Variants in C12orf42 observed in about 807,000 individuals in gnomAD.
C12orf42 encodes the protein uncharacterized protein C12orf42.
In C12orf42, 25 loss-of-function variants were observed where a neutral mutation model predicts 21.6. The observed-to-expected ratio is 1.16, with a 90% CI of 0.84 to 1.62. C12orf42 has a LOEUF of 1.62. Among genes scored for constraint, C12orf42 ranks in the 40% most tolerant of loss-of-function variants. The pLI is 0.00. For synonymous variants in C12orf42, 174 were observed against 175.0 expected, an observed-to-expected ratio of 0.99 and a Z score of 0.05; for missense variants, 483 against 459.3, an observed-to-expected ratio of 1.05 and a Z score of -0.47.
chr12:103,168,017 T>G, the C12orf42 span: 1 of 453,418 alleles, frequency 2.2e-6, no homozygotes, highest in Non-Finnish European at 4.4e-6. Flanking sequence ...TCTGTTAATA[T>G]GTACATGCAT....
chr12:103,186,412 A>C, the C12orf42 span, among the ~76,000 whole-genome samples: 11 of 152,308 alleles, frequency 7.2e-5, no homozygotes, highest in African/African-American at 1.2e-4. Context: ...GAGGATAAGA[A>C]TTTAGAGTTC....
chr12:103,263,638 T>C (rs1309145177), downstream of C12orf42, among the ~76,000 whole-genome samples: 1 of 152,108 alleles, frequency 6.6e-6, no homozygotes, highest in Non-Finnish European at 1.5e-5. Flanking sequence ...TGCTCAGCCT[T>C]ATCACCCTAA....
In C12orf42 at chr12:103,294,628, GAAAGAAA is replaced by G. The variant is rs1566026129; in HGVS notation, n.338-17425_338-17419del. The stretch of plus-strand genomic sequence containing the variant: ...AGAAAGAAAGAAAGAAAGAAAGAAA[GAAAGAAA>G]GAAGGAAAAGAAAGAGAAAGAAAGA... On this transcript the variant is annotated intron_variant and non_coding_transcript_variant, in intron 4 of 6. Coordinates refer to the C12orf42 transcript ENST00000546526. Among the ~76,000 whole-genome samples the G allele has an allele frequency of 6.3e-4, 93 of 146,722 alleles. 1 individual carries two copies. Among genetic ancestry groups the G allele is most frequent in the Admixed American group, 6.2e-3 (91 of 14,580 alleles).
At chr12:103,383,003 G>C (rs536497660) in intron 3 of C12orf42, among the ~76,000 whole-genome samples, 1 of 152,234 alleles carries the variant, frequency 6.6e-6, no homozygotes, top group East Asian at 1.9e-4. Context: ...GATCAGAAGA[G>C]GTCAAGATCA....
chr12:103,300,819 T>C (rs1328815887), downstream of C12orf42, among the ~76,000 whole-genome samples: 1 of 152,214 alleles, frequency 6.6e-6, no homozygotes, highest in African/African-American at 2.4e-5. Flanking sequence ...GATGCCATTA[T>C]ATCCTCAGGA....
At chr12:103,516,233 A>T in the C12orf42 span, among the ~76,000 whole-genome samples, 1 of 152,220 alleles carries the variant, frequency 6.6e-6, no homozygotes, top group Non-Finnish European at 1.5e-5. Flanking sequence ...TTTTATCTTA[A>T]TTTAAAATGA....
At chr12:103,072,310 A>G in the C12orf42 span, among the ~76,000 whole-genome samples, 10 of 152,182 alleles carry the variant, frequency 6.6e-5, no homozygotes, top group African/African-American at 2.4e-4. Context: ...AATAATGTTC[A>G]AAATGTCTAT....
Position 103,256,085 on chromosome 12 carries a change from A to AATAT in C12orf42, c.*1366+7237_*1366+7240dup, listed in dbSNP as rs1565998064. On this transcript the variant is annotated intron_variant and NMD_transcript_variant, in intron 10 of 10. Coordinates refer to the C12orf42 transcript ENST00000547347. ...AAAAAAAAAAAAAAAAAAAAAAAAA[A>AATAT]ATATATATATATATATATATATATA... Among the ~76,000 whole-genome samples, 475 of 58,718 alleles carry AATAT rather than the reference A, an allele frequency of 8.1e-3. 7 individuals are homozygous for AATAT. Among genetic ancestry groups the AATAT allele is most frequent in the African/African-American group, 0.016 (177 of 11,188 alleles). 38.5% of individuals were successfully genotyped at this position (58,718 alleles called of 152,430 possible). A position where few individuals can be genotyped will look rare whatever the true frequency, so the allele number is the denominator to read the frequency against.
chr12:103,257,022 A>G (rs898204711), intron 10 of C12orf42, among the ~76,000 whole-genome samples: 1 of 152,304 alleles, frequency 6.6e-6, no homozygotes, highest in African/African-American at 2.4e-5. Context: ...ACCATGAAAT[A>G]TTATACAGCC....
At chr12:103,281,252 T>G (rs1348835075) in intron 4 of C12orf42, among the ~76,000 whole-genome samples, 1 of 152,222 alleles carries the variant, frequency 6.6e-6, no homozygotes, top group African/African-American at 2.4e-5. Context: ...AGATTCCAAG[T>G]GACTTTTCAC....
the C12orf42 span, among the ~76,000 whole-genome samples, chr12:103,097,649 T>A: frequency 6.6e-6 from 1 of 152,176 alleles, no homozygotes; most frequent in African/African-American, 2.4e-5. Flanking sequence ...CTGGAAAATG[T>A]CTCAACCAAA....
the C12orf42 span, among the ~76,000 whole-genome samples, chr12:103,097,028 G>T: frequency 3.3e-5 from 5 of 152,118 alleles, no homozygotes; most frequent in African/African-American, 1.2e-4. Context: ...TCCTCTCAAT[G>T]TTGTGTCCTC....
chr12:103,252,206 G>A (rs1191152254), intron 10 of C12orf42, among the ~76,000 whole-genome samples: 1 of 152,138 alleles, frequency 6.6e-6, no homozygotes, highest in Non-Finnish European at 1.5e-5. Flanking sequence ...ACGGGTATTT[G>A]GGTAGGTTCC....
At chr12:103,478,684 C>T (rs1592982150) in intron 1 of C12orf42, among the ~76,000 whole-genome samples, 1 of 150,740 alleles carries the variant, frequency 6.6e-6, no homozygotes, top group East Asian at 1.9e-4. Context: ...ACCTTGGCCT[C>T]AATAAAATTC....
chr12:103,087,047 A>G, the C12orf42 span, among the ~76,000 whole-genome samples: 2 of 151,664 alleles, frequency 1.3e-5, no homozygotes, highest in Non-Finnish European at 2.9e-5. Context: ...ATTAATCAAA[A>G]CCTATATTTC....
chr12:103,254,598 T>G (rs1430997601), intron 10 of C12orf42, among the ~76,000 whole-genome samples: 1 of 152,154 alleles, frequency 6.6e-6, no homozygotes, highest in Non-Finnish European at 1.5e-5. Context: ...AAAGGAACAA[T>G]ATCATGTCCT....
the C12orf42 span, among the ~76,000 whole-genome samples, chr12:103,226,649 A>C: frequency 6.6e-6 from 1 of 152,132 alleles, no homozygotes; most frequent in Non-Finnish European, 1.5e-5. Context: ...ACCAGGTGTG[A>C]GGAGGGGAAG....
chr12:103,483,853 A>G (rs530278903), intron 1 of C12orf42, among the ~76,000 whole-genome samples: 51 of 152,164 alleles, frequency 3.4e-4, no homozygotes, highest in Non-Finnish European at 5.1e-4. Context: ...GATGTTGCCC[A>G]TCCTGTGTCC....
intron 4 of C12orf42, among the ~76,000 whole-genome samples, chr12:103,356,091 T>C (rs2043523201): frequency 6.6e-6 from 1 of 152,096 alleles, no homozygotes; most frequent in African/African-American, 2.4e-5. Context: ...GTCTAACTCC[T>C]GACTGGGCGC....
Sources: gnomAD v4.1 joint callset for allele counts (sites outside exome capture counted in the v4.1 genomes callset) on GRCh38, gnomAD v4.1.1 for gene constraint, MANE v1.5 for transcripts, NCBI Gene and HGNC (gene_info 2026-07-23, HGNC 2026-07-21) for gene names.